The following LRRFIP1 variants were observed in gnomAD, a reference collection of about 807,000 sequenced individuals.
LRRFIP1 encodes LRR binding FLII interacting protein 1, also known as leucine-rich repeat flightless-interacting protein 1.
Under a neutral mutation model 104.4 loss-of-function variants are expected in LRRFIP1, and 62 were observed. The observed-to-expected ratio is 0.59, with a 90% CI of 0.48 to 0.73. The LOEUF is 0.73. Among genes scored for constraint, LRRFIP1 ranks in the 30% least tolerant of loss-of-function variants. LRRFIP1 has a pLI of 0.00. For missense variants in LRRFIP1, 796 were observed against 824.5 expected, an observed-to-expected ratio of 0.97 and a Z score of 0.42; for synonymous variants, 300 against 299.0, an observed-to-expected ratio of 1.00 and a Z score of -0.03.
At chr2:237,760,627 C>A (rs546872854) in intron 19 of LRRFIP1, among the ~76,000 whole-genome samples, 2 of 152,228 alleles carry the variant, frequency 1.3e-5, no homozygotes, top group African/African-American at 4.8e-5. Flanking sequence ...GCCGTCAAGT[C>A]AGTTGGCCAT....
Position 237,627,613 on chromosome 2 carries a change from G to C in LRRFIP1, c.-32G>C. The C allele has an allele frequency of 1.6e-6, 2 of 1,233,598 alleles. No individual in the cohort carries two copies. Among genetic ancestry groups the C allele is most frequent in the Non-Finnish European group, 2.1e-6 (2 of 971,856 alleles). 76.4% of individuals were successfully genotyped at this position (1,233,598 alleles called of 1,614,324 possible). On this transcript the variant is annotated 5_prime_UTR_variant, in exon 1 of 24. Transcript: ENST00000308482. ...GGGCGGCGCGAGCGGCTGGAGCAAC[G>C]GGCCCCGCGGCAGCTGCGGGCGACG...
rs2150132107 is a variant in LRRFIP1, at chr2:237,717,448, T to C, written c.202-314T>C. Reference sequence around the variant, plus strand: ...AGCCTGTTGGAGGGGGCGTGAAGGCTGCTGGGCCGGCTTTACTGTCCTGCT... The same window carrying C: ...AGCCTGTTGGAGGGGGCGTGAAGGCCGCTGGGCCGGCTTTACTGTCCTGCT... On this transcript the variant is annotated intron_variant, in intron 3 of 23. Coordinates refer to ENST00000308482, the MANE Select transcript of LRRFIP1 (RefSeq NM_001137550.2). The surrounding 1 kb of genome is among the most constrained non-coding windows in gnomAD (Gnocchi z 4.2). Among the ~76,000 whole-genome samples the C allele has an allele frequency of 6.6e-6, 1 of 152,354 alleles. No individual in the cohort carries two copies. Among genetic ancestry groups the C allele is most frequent in the African/African-American group, 2.4e-5 (1 of 41,588 alleles).
In LRRFIP1 at chr2:237,700,299, CAG is replaced by C. The variant is rs376318050; in HGVS notation, c.97-8244_97-8243del. On this transcript the variant is annotated intron_variant, in intron 1 of 23. Transcript: ENST00000308482. ...CCAGGAGCTTGATTCCTTCTTAGCT[CAG>C]GGGAAGAATCGCACAAGGACCGAGG... 5.7e-4 allele frequency among the ~76,000 whole-genome samples: 87 copies of C among 152,260 alleles called. 1 individual carries two copies. Among genetic ancestry groups the C allele is most frequent in the African/African-American group, 1.9e-3 (81 of 41,550 alleles).
chr2:237,695,492 G>A (rs1214342143), intron 1 of LRRFIP1, among the ~76,000 whole-genome samples: 1 of 152,178 alleles, frequency 6.6e-6, no homozygotes, highest in Non-Finnish European at 1.5e-5. Flanking sequence ...TGTCCAAGAG[G>A]AACTTCTTAT....
At chr2:237,650,209 A>G (rs1485423417) in intron 1 of LRRFIP1, among the ~76,000 whole-genome samples, 2 of 152,092 alleles carry the variant, frequency 1.3e-5, no homozygotes, top group East Asian at 3.9e-4. Context: ...GGTGATGTTC[A>G]TGGCAGTGGG....
At chr2:237,763,731 A>C (rs773809589) in intron 19 of LRRFIP1, 3 of 1,614,136 alleles carry the variant, frequency 1.9e-6, no homozygotes, top group Non-Finnish European at 2.5e-6. Flanking sequence ...GTACTAGCTG[A>C]TGGAGACACA....
At chr2:237,755,987 G>A in intron 15 of LRRFIP1, 108 bp from the exon 16 acceptor site, 1 of 612,516 alleles carries the variant, frequency 1.6e-6, no homozygotes. Flanking sequence ...TTGTGATGAT[G>A]TAGTAGCAGG....
chr2:237,631,032 G>C (rs560765458), intron 1 of LRRFIP1, among the ~76,000 whole-genome samples: 1 of 152,228 alleles, frequency 6.6e-6, no homozygotes, highest in African/African-American at 2.4e-5. Context: ...CTGTGGCAAA[G>C]GGGGGTGGGT....
At chr2:237,672,642 A>G (rs1007256608) in intron 1 of LRRFIP1, among the ~76,000 whole-genome samples, 6 of 152,364 alleles carry the variant, frequency 3.9e-5, no homozygotes, top group African/African-American at 1.4e-4. Context: ...TTGTTCCTGA[A>G]AAAATATTGA....
intron 1 of LRRFIP1, among the ~76,000 whole-genome samples, chr2:237,676,476 G>A (rs752886185): frequency 2.0e-5 from 3 of 152,138 alleles, no homozygotes; most frequent in African/African-American, 7.2e-5. Context: ...AGGGCTCATG[G>A]TAGGGAGATG....
intron 1 of LRRFIP1, among the ~76,000 whole-genome samples, chr2:237,650,934 C>G (rs1433693782): frequency 6.6e-6 from 1 of 152,134 alleles, no homozygotes; most frequent in Non-Finnish European, 1.5e-5. Context: ...CTGCTGGGCA[C>G]TCGGCCCTCA....
rs1216732199 is a variant in LRRFIP1, at chr2:237,711,548, C to T, written c.184-2711C>T. On this transcript the variant is annotated intron_variant, in intron 2 of 23. Transcript: ENST00000308482. The surrounding 1 kb of genome is among the most constrained non-coding windows in gnomAD (Gnocchi z 4.4). ...TGTGGATCTGCAGTCTCGGCTTCCT[C>T]ATCACCGATGCCTGCACTTCTTCCC... Among the ~76,000 whole-genome samples, 1 of 152,240 alleles carries T rather than the reference C, an allele frequency of 6.6e-6. No homozygotes were observed. The highest frequency in any genetic ancestry group is 1.5e-5 in the Non-Finnish European group (1 of 68,048).
chr2:237,731,829 A>G (rs1250941971), intron 8 of LRRFIP1, among the ~76,000 whole-genome samples: 2 of 152,200 alleles, frequency 1.3e-5, no homozygotes, highest in African/African-American at 4.8e-5. Flanking sequence ...GACTCATTCA[A>G]ACAGGGCCAC....
intron 17 of LRRFIP1, 94 bp downstream of exon 17, chr2:237,757,642 C>A: frequency 1.2e-6 from 1 of 847,840 alleles, no homozygotes; most frequent in Non-Finnish European, 1.9e-6. Flanking sequence ...AACCGCTTGT[C>A]TGAGTATGCA....
At chr2:237,723,696 T>TG (rs886585639) in intron 7 of LRRFIP1, 110 bp downstream of exon 7, 17 of 1,376,400 alleles carry the variant, frequency 1.2e-5, no homozygotes, top group East Asian at 6.9e-5. Context: ...AGTTTTTGCC[T>TG]GGGGGGCTAT....
intron 1 of LRRFIP1, among the ~76,000 whole-genome samples, chr2:237,637,539 C>T (rs189460597): frequency 6.6e-6 from 1 of 152,308 alleles, no homozygotes; most frequent in East Asian, 1.9e-4. Context: ...TCTCTAAGAT[C>T]TGAGATATAC....
chr2:237,730,101 G>A (rs1169823388), intron 8 of LRRFIP1, among the ~76,000 whole-genome samples: 1 of 152,160 alleles, frequency 6.6e-6, no homozygotes, highest in Non-Finnish European at 1.5e-5. Context: ...ATGAAAGGAC[G>A]TGTTTTTGTG....
intron 9 of LRRFIP1, 105 bp downstream of exon 9, chr2:237,733,923 G>A (rs1256774034): frequency 9.0e-6 from 11 of 1,227,068 alleles, no homozygotes; most frequent in Middle Eastern, 1.9e-4. Flanking sequence ...GCCCCCTGGG[G>A]GAAGTTGCAC....
chr2:237,749,503 C>G (rs1042469894), intron 13 of LRRFIP1, among the ~76,000 whole-genome samples, 179 bp downstream of exon 13: 5 of 152,220 alleles, frequency 3.3e-5, no homozygotes, highest in African/African-American at 1.2e-4. Flanking sequence ...GATAGTGTCT[C>G]CTGCAGGAAT....
Sources: gnomAD v4.1 joint callset for allele counts (sites outside exome capture counted in the v4.1 genomes callset) on GRCh38, gnomAD v4.1.1 for gene constraint, Gnocchi (gnomAD v3.1) non-coding constraint, MANE v1.5 for transcripts, NCBI Gene and HGNC (gene_info 2026-07-23, HGNC 2026-07-21) for gene names.